PDE4DIP: variants seen among roughly 807,000 people sequenced by gnomAD.
The protein encoded by PDE4DIP is myomegalin.
Under a neutral mutation model 221.4 loss-of-function variants are expected in PDE4DIP, and 59 were observed. The observed-to-expected ratio is 0.27, with a 90% CI of 0.22 to 0.33. The LOEUF (loss-of-function observed/expected upper bound fraction) is 0.33. PDE4DIP is among the 10% of genes least tolerant of loss of function. The pLI, the probability that PDE4DIP is intolerant of heterozygous loss-of-function variation, is 1.00. For synonymous variants in PDE4DIP, 404 were observed against 815.9 expected, an observed-to-expected ratio of 0.50 and a Z score of 8.60; for missense variants, 1,036 against 2,154.2, an observed-to-expected ratio of 0.48 and a Z score of 10.28.
chr1:148,961,094 C>T (rs1574354634), intron 6 of PDE4DIP, among the ~76,000 whole-genome samples: 1 of 152,108 alleles, frequency 6.6e-6, no homozygotes, highest in South Asian at 2.1e-4. Flanking sequence ...ATCACGAGGT[C>T]AGGAGTTCGA....
At chr1:148,999,942 T>A (rs587671687) in intron 23 of PDE4DIP, among the ~76,000 whole-genome samples, 2 of 151,644 alleles carry the variant, frequency 1.3e-5, no homozygotes, top group Non-Finnish European at 1.5e-5. Context: ...CAGTTTTTTT[T>A]AATATGAAGT....
At position 148,998,733 on chromosome 1, in the gene PDE4DIP, ATT is replaced by A. The variant is rs66777969; in HGVS notation, c.3137+374_3137+375del. 1.9e-4 allele frequency among the ~76,000 whole-genome samples: 24 copies of A among 124,346 alleles called. 2 individuals carry two copies. The East Asian group carries it at 2.6e-3, about 14-fold the overall frequency. 81.6% of individuals were successfully genotyped at this position (124,346 alleles called of 152,430 possible). On this transcript the variant is annotated intron_variant, in intron 23 of 43. Transcript: ENST00000369354. ...CAGAACAGTTCACGAAGGAGGAGGA[ATT>A]TTTTTTTTTTTTTTTCGTTGAGATA...
chr1:148,947,107 A>G (rs1394159430), intron 5 of PDE4DIP, among the ~76,000 whole-genome samples: 1 of 152,310 alleles, frequency 6.6e-6, no homozygotes, highest in Non-Finnish European at 1.5e-5. Flanking sequence ...AAAAAAAGGT[A>G]TGTTTGCATT....
Position 149,030,222 on chromosome 1 carries a change from G to GT in PDE4DIP, c.6953-8dup. On this transcript the variant is annotated splice_polypyrimidine_tract_variant and intron_variant, in intron 42 of 43. Transcript: ENST00000369354. ...GGTTTCTACTCTGTGGTGCTCTTTTGTTGTTTCAGTAACCAGAACACATGA... is the reference window on the plus strand; with the variant it reads ...GGTTTCTACTCTGTGGTGCTCTTTTGTTTGTTTCAGTAACCAGAACACATGA... 1 of 1,471,496 alleles carries GT rather than the reference G, an allele frequency of 6.8e-7. No homozygotes were observed. The highest frequency in any genetic ancestry group is 9.3e-7 in the Non-Finnish European group (1 of 1,074,528). 91.2% of individuals were successfully genotyped at this position (1,471,496 alleles called of 1,614,324 possible).
chr1:148,859,522 G>T (rs1165369219), intron 1 of PDE4DIP, among the ~76,000 whole-genome samples: 1 of 152,102 alleles, frequency 6.6e-6, no homozygotes, highest in Non-Finnish European at 1.5e-5. Flanking sequence ...TAGGGAGAAA[G>T]ACAAGGTAAG....
chr1:148,892,003 TTTG>T (rs112683815), intron 1 of PDE4DIP, among the ~76,000 whole-genome samples: 5 of 84,964 alleles, frequency 5.9e-5, no homozygotes, highest in Non-Finnish European at 4.3e-5. Flanking sequence ...GGGAAAGGAT[TTTG>T]TTGTTGTTGT....
chr1:148,903,125 T>C (rs1475141274), intron 1 of PDE4DIP, among the ~76,000 whole-genome samples: 2 of 151,370 alleles, frequency 1.3e-5, no homozygotes, highest in Admixed American at 6.6e-5. Context: ...TGGTATCACA[T>C]TGTGGTTTTG....
intron 41 of PDE4DIP, among the ~76,000 whole-genome samples, chr1:149,029,303 C>T (rs1308061135): frequency 6.6e-6 from 1 of 152,204 alleles, no homozygotes; most frequent in Non-Finnish European, 1.5e-5. Flanking sequence ...AGGTCAATGG[C>T]ACCAATACCT....
chr1:148,813,956 C>T (rs2799322), intron 1 of PDE4DIP, among the ~76,000 whole-genome samples: 15 of 20,264 alleles, frequency 7.4e-4, no homozygotes, highest in African/African-American at 4.9e-3. Flanking sequence ...TTTTTTTTTT[C>T]CTTTTTCTTT....
intron 21 of PDE4DIP, among the ~76,000 whole-genome samples, chr1:148,987,136 G>A (rs1400175312): frequency 2.6e-5 from 4 of 152,148 alleles, no homozygotes; most frequent in African/African-American, 7.2e-5. Context: ...AAACATGTGA[G>A]CTGGAAAGCC....
chr1:149,031,951 C>T (rs782173777), exon 44 of PDE4DIP: 1 of 1,607,414 alleles, frequency 6.2e-7, no homozygotes, highest in Non-Finnish European at 8.5e-7. Flanking sequence ...CAGGTGAAAT[C>T]CCTAAGGGCT....
intron 1 of PDE4DIP, among the ~76,000 whole-genome samples, chr1:148,927,206 A>T (rs1553466342): frequency 1.3e-5 from 2 of 151,998 alleles, no homozygotes; most frequent in African/African-American, 4.8e-5. Context: ...TTTAAAGTAT[A>T]TCCTGAAAAG....
intron 1 of PDE4DIP, among the ~76,000 whole-genome samples, chr1:148,917,957 T>TA (rs1553459541): frequency 1.3e-5 from 2 of 149,250 alleles, no homozygotes; most frequent in African/African-American, 2.5e-5. Flanking sequence ...CGTGAAACTG[T>TA]AAAAAAATGA....
rs188378398 is a variant in PDE4DIP, at chr1:148,989,399, A to G, written c.2816-2486A>G. 5,805 of 794,508 alleles carry G rather than the reference A, an allele frequency of 7.3e-3. 20 individuals are homozygous for G. Among genetic ancestry groups the G allele is most frequent in the Non-Finnish European group, 8.4e-3 (5,343 of 635,064 alleles). The allele number at this position is 794,508 out of a possible 1,614,324, so 49.2% of individuals were successfully genotyped here. On this transcript the variant is annotated intron_variant, in intron 21 of 43. Transcript: ENST00000369354. ...TCGAATTCCTTATGAAGCCAGAACC[A>G]TAGCATCCTGCTCTTAAGTGAAATA...
rs79336852 is a variant in PDE4DIP at position 148,819,853 on chromosome 1, T to C, written c.233+11116T>C. ...AAAAGCATATCTTTTTAGTATGCTG[T>C]GTAAGTTTGAACAGATTTATCTTTC... is the stretch of plus-strand genomic sequence containing the variant. On this transcript the variant is annotated intron_variant, in intron 1 of 45. Transcript: ENST00000524974. Among the ~76,000 whole-genome samples the C allele has an allele frequency of 2.3e-5, 2 of 88,118 alleles. 1 individual carries two copies. Among genetic ancestry groups the C allele is most frequent in the East Asian group, 1.9e-3 (2 of 1,070 alleles). The allele number at this position is 88,118 out of a possible 152,430, so 57.8% of individuals were successfully genotyped here.
At chr1:148,999,951 G>A (rs1553572627) in intron 23 of PDE4DIP, among the ~76,000 whole-genome samples, 1 of 151,030 alleles carries the variant, frequency 6.6e-6, no homozygotes, top group Non-Finnish European at 1.5e-5. Context: ...TTAATATGAA[G>A]TTAGAACATA....
At chr1:148,946,473 G>A (rs1428340025) in intron 5 of PDE4DIP, among the ~76,000 whole-genome samples, 1 of 142,200 alleles carries the variant, frequency 7.0e-6, no homozygotes, top group African/African-American at 2.6e-5. Context: ...CTGGGAGGCA[G>A]AGGTTGCAGT....
At chr1:148,964,077 C>T (rs1441748617) in intron 9 of PDE4DIP, among the ~76,000 whole-genome samples, 1 of 145,658 alleles carries the variant, frequency 6.9e-6, no homozygotes, top group Non-Finnish European at 1.5e-5. Context: ...CCTTCTTTCT[C>T]TCTCTCTCTT....
At chr1:149,007,011 T>G (rs1553599617) in intron 27 of PDE4DIP, among the ~76,000 whole-genome samples, 190 bp from the exon 31 acceptor site, 1 of 147,882 alleles carries the variant, frequency 6.8e-6, no homozygotes, top group Non-Finnish European at 1.5e-5. Flanking sequence ...CCGTACTAAG[T>G]TTTTTAATGC....
Sources: allele counts gnomAD v4.1 joint callset (sites outside exome capture counted in the v4.1 genomes callset), GRCh38; gene constraint gnomAD v4.1.1; transcripts MANE v1.5; gene names NCBI Gene and HGNC (gene_info 2026-07-23, HGNC 2026-07-21).